WDR70: variants seen among roughly 807,000 people sequenced by gnomAD.
WDR70 encodes WD repeat domain 70.
Under a neutral mutation model 88.6 loss-of-function variants are expected in WDR70, and 53 were observed. That is an observed-to-expected ratio of 0.60 (90% CI 0.48 to 0.75). The LOEUF is 0.75. WDR70 is among the 30% of genes least tolerant of loss of function. The pLI, the probability that WDR70 is intolerant of heterozygous loss-of-function variation, is 0.00. For missense variants in WDR70, 610 were observed against 823.2 expected (o/e 0.74, Z 3.17); for synonymous variants, 280 against 270.0 (o/e 1.04, Z -0.36).
chr5:37,590,164 A>T (rs1743487521), intron 9 of WDR70, among the ~76,000 whole-genome samples: 1 of 152,198 alleles, frequency 6.6e-6, no homozygotes, highest in Non-Finnish European at 1.5e-5. Context: ...ACAGCTGAAA[A>T]TAGAAAAGGA....
At chr5:37,487,627 A>ATATATTT (rs1317924512) in intron 8 of WDR70, among the ~76,000 whole-genome samples, 2 of 69,072 alleles carry the variant, frequency 2.9e-5, no homozygotes, top group African/African-American at 1.0e-4. Context: ...ATATATATGT[A>ATATATTT]TTTTTTTTTT....
At chr5:37,702,838 A>C in intron 12 of WDR70, 111 bp from the exon 13 acceptor site, 2 of 1,083,642 alleles carry the variant, frequency 1.8e-6, no homozygotes, top group Non-Finnish European at 1.3e-6. Context: ...CTTGACTCAT[A>C]AGCCCTATAT....
intron 5 of WDR70, among the ~76,000 whole-genome samples, chr5:37,410,814 A>G (rs1305003102): frequency 6.6e-6 from 1 of 152,234 alleles, no homozygotes; most frequent in Non-Finnish European, 1.5e-5. Context: ...TAGGTATGGA[A>G]GTGTGAACAA....
chr5:37,499,074 C>T (rs1740315433), intron 8 of WDR70, among the ~76,000 whole-genome samples: 1 of 151,624 alleles, frequency 6.6e-6, no homozygotes, highest in African/African-American at 2.4e-5. Context: ...AATTTGCATT[C>T]CCCCATGATG....
intron 9 of WDR70, among the ~76,000 whole-genome samples, chr5:37,528,172 A>G (rs1741360324): frequency 1.3e-5 from 2 of 152,220 alleles, no homozygotes; most frequent in African/African-American, 4.8e-5. Context: ...GTAAAGACAC[A>G]TGCACATGTA....
chr5:37,449,538 G>A (rs1455662224), intron 7 of WDR70, among the ~76,000 whole-genome samples: 2 of 150,258 alleles, frequency 1.3e-5, no homozygotes, highest in Non-Finnish European at 2.9e-5. Flanking sequence ...GTTGCAGTGA[G>A]CTGAGATTGT....
At chr5:37,716,396 C>G (rs1253519231) in intron 13 of WDR70, among the ~76,000 whole-genome samples, 1 of 152,106 alleles carries the variant, frequency 6.6e-6, no homozygotes, top group Non-Finnish European at 1.5e-5. Flanking sequence ...GTAATAACTC[C>G]TTTTTAATAC....
chr5:37,418,871 C>G (rs1749850059), intron 5 of WDR70, among the ~76,000 whole-genome samples: 1 of 152,096 alleles, frequency 6.6e-6, no homozygotes, highest in Non-Finnish European at 1.5e-5. Context: ...TCAAGCAATT[C>G]TCCTGCCTCA....
At chr5:37,516,680 G>T in intron 9 of WDR70, 90 bp downstream of exon 9, 1 of 578,706 alleles carries the variant, frequency 1.7e-6, no homozygotes. Flanking sequence ...CAGTAATGTA[G>T]TAAGTGGAAT....
At chr5:37,568,086 C>A (rs1045636829) in intron 9 of WDR70, among the ~76,000 whole-genome samples, 1 of 152,170 alleles carries the variant, frequency 6.6e-6, no homozygotes, top group Non-Finnish European at 1.5e-5. Flanking sequence ...ATCTAATTTT[C>A]TTTTCAGTAG....
At chr5:37,699,402 TAC>T (rs70978839) in intron 11 of WDR70, among the ~76,000 whole-genome samples, 267 of 70,804 alleles carry the variant, frequency 3.8e-3, no homozygotes, top group African/African-American at 0.02. Context: ...TATATATATA[TAC>T]ACACACACAC....
At chr5:37,664,308 A>G (rs1371148371) in intron 10 of WDR70, among the ~76,000 whole-genome samples, 1 of 152,236 alleles carries the variant, frequency 6.6e-6, no homozygotes, top group Non-Finnish European at 1.5e-5. Context: ...AACTCCATAG[A>G]AGGGCATATG....
intron 9 of WDR70, among the ~76,000 whole-genome samples, chr5:37,528,693 C>T (rs935932855): frequency 6.6e-6 from 1 of 152,054 alleles, no homozygotes; most frequent in East Asian, 1.9e-4. Flanking sequence ...TATTTGATTT[C>T]CTTGTAGATT....
At chr5:37,480,914 G>A (rs1391607364) in intron 8 of WDR70, among the ~76,000 whole-genome samples, 1 of 152,220 alleles carries the variant, frequency 6.6e-6, no homozygotes, top group Non-Finnish European at 1.5e-5. Context: ...TAGATAAACA[G>A]GGATACAGGC....
chr5:37,520,350 AAAAG>A (rs1490375154), intron 9 of WDR70, among the ~76,000 whole-genome samples: 5 of 152,122 alleles, frequency 3.3e-5, no homozygotes, highest in African/African-American at 4.8e-5. Flanking sequence ...AATTTGATCT[AAAAG>A]AAACTGAAGT....
At chr5:37,687,255 T>G (rs1746637428) in intron 10 of WDR70, among the ~76,000 whole-genome samples, 1 of 152,190 alleles carries the variant, frequency 6.6e-6, no homozygotes, top group Admixed American at 6.5e-5. Flanking sequence ...CTGGTTAAGG[T>G]GAAGTTAATA....
At chr5:37,698,486 A>G (rs1266826802) in intron 11 of WDR70, among the ~76,000 whole-genome samples, 3 of 86,018 alleles carry the variant, frequency 3.5e-5, no homozygotes, top group Non-Finnish European at 2.8e-5. Flanking sequence ...CACATAAGGA[A>G]AAGAAATACT....
chr5:37,751,959 G>A (rs1238768922), intron 17 of WDR70, among the ~76,000 whole-genome samples: 6 of 152,086 alleles, frequency 3.9e-5, no homozygotes, highest in African/African-American at 1.2e-4. Context: ...GGGGATATTC[G>A]TTTTCTTTGG....
At chr5:37,586,829 A>G (rs953124023) in intron 9 of WDR70, among the ~76,000 whole-genome samples, 2 of 152,008 alleles carry the variant, frequency 1.3e-5, no homozygotes, top group Non-Finnish European at 2.9e-5. Context: ...CTCTGTCTAC[A>G]TTCTAATAAT....
Sources: gnomAD v4.1 joint callset for allele counts (sites outside exome capture counted in the v4.1 genomes callset) on GRCh38, gnomAD v4.1.1 for gene constraint, MANE v1.5 for transcripts, NCBI Gene and HGNC (gene_info 2026-07-23, HGNC 2026-07-21) for gene names.